The following NPR3 variants were observed in gnomAD, a reference collection of about 807,000 sequenced individuals.
NPR3 encodes natriuretic peptide receptor 3, also known as atrial natriuretic peptide receptor 3.
Under a neutral mutation model 54.5 loss-of-function variants are expected in NPR3, and 34 were observed. The observed-to-expected ratio is 0.62, with a 90% CI of 0.47 to 0.83. The LOEUF is 0.83. Among genes scored for constraint, NPR3 ranks in the 40% least tolerant of loss-of-function variants. The pLI is 0.00. For missense variants in NPR3, 674 were observed against 720.8 expected, an observed-to-expected ratio of 0.94 and a Z score of 0.74; for synonymous variants, 289 against 297.1, an observed-to-expected ratio of 0.97 and a Z score of 0.28.
At chr5:32,785,889 G>A (rs545398363) in intron 7 of NPR3, among the ~76,000 whole-genome samples, 2 of 152,222 alleles carry the variant, frequency 1.3e-5, no homozygotes, top group African/African-American at 4.8e-5. Context: ...TTGTATTCCT[G>A]TTCCTTTGGC....
At chr5:32,753,140 A>C (rs771499635) in intron 3 of NPR3, among the ~76,000 whole-genome samples, 1 of 152,216 alleles carries the variant, frequency 6.6e-6, no homozygotes, top group Non-Finnish European at 1.5e-5. Flanking sequence ...TTTCCAAGCA[A>C]TGAGCTTCAT....
chr5:32,773,885 T>C (rs1381642845), intron 3 of NPR3, among the ~76,000 whole-genome samples: 1 of 152,240 alleles, frequency 6.6e-6, no homozygotes, highest in Non-Finnish European at 1.5e-5. Flanking sequence ...ACTAGTCTCA[T>C]GGTCAATATA....
rs887748693 is a variant in NPR3 at position 32,712,017 on chromosome 5, C to A, written c.241C>A (p.Arg81Ser). ...GCGGCCGGCCATCGAGTATGCTCTGCGCAGCGTGGAGGGCAACGGGACTGG... is the reference window on the plus strand; with the variant it reads ...GCGGCCGGCCATCGAGTATGCTCTGAGCAGCGTGGAGGGCAACGGGACTGG... ...RVRPAIEYALRSVEGNGTGRR... is the reference protein window; with the variant it reads ...RVRPAIEYALSSVEGNGTGRR... The change falls in exon 1 of 8, where the codon CGC becomes AGC. Residue 81 changes from arginine (R) to serine (S), a missense_variant. Arg to Ser is a moderately radical substitution (Grantham distance 110). Coordinates refer to ENST00000265074, the MANE Select transcript of NPR3 (RefSeq NM_001204375.2). 6 of 1,613,614 alleles carry A rather than the reference C, an allele frequency of 3.7e-6. No homozygotes were observed. The highest frequency in any genetic ancestry group is 1.3e-5 in the African/African-American group (1 of 75,044).
At chr5:32,703,701 C>G (rs746617403) in intron 1 of NPR3, among the ~76,000 whole-genome samples, 1 of 151,786 alleles carries the variant, frequency 6.6e-6, no homozygotes, top group Non-Finnish European at 1.5e-5. Flanking sequence ...GGTGGCCTAT[C>G]CTACTGTGGC....
chr5:32,774,862 A>G lies in NPR3; in HGVS notation c.1195+19A>G. 3 of 1,596,752 alleles carry G rather than the reference A, an allele frequency of 1.9e-6. No individual in the cohort carries two copies. Among genetic ancestry groups the G allele is most frequent in the Non-Finnish European group, 2.6e-6 (3 of 1,164,400 alleles). On this transcript the variant is annotated intron_variant, in intron 4 of 7. Coordinates refer to ENST00000265074, the MANE Select transcript of NPR3 (RefSeq NM_001204375.2). The stretch of plus-strand genomic sequence containing the variant: ...TTTGAAGGTGGGGATTCCATCTATA[A>G]GGCAATTACATGGGGCCAAATGAGC...
At chr5:32,737,014 G>C (rs947278596) in intron 2 of NPR3, among the ~76,000 whole-genome samples, 1 of 151,906 alleles carries the variant, frequency 6.6e-6, no homozygotes, top group Non-Finnish European at 1.5e-5. Context: ...GCCTTTTCTC[G>C]GGCTCTAGAC....
rs369731308 is a variant in NPR3 at position 32,728,815 on chromosome 5, T to TTG, written c.892+4017_892+4018dup. Among the ~76,000 whole-genome samples, 122 of 77,070 alleles carry TTG rather than the reference T, an allele frequency of 1.6e-3. 1 individual carries two copies. The highest frequency in any genetic ancestry group is 2.4e-3 in the South Asian group (4 of 1,658). The allele number at this position is 77,070 out of a possible 152,430, so 50.6% of individuals were successfully genotyped here. ...AGCTTTTATTTGGATTTTGGAATAT[T>TTG]TGTGTGTGTGTGTGTGTGTGTGTAT... On this transcript the variant is annotated intron_variant, in intron 2 of 7. Coordinates refer to ENST00000265074, the MANE Select transcript of NPR3 (RefSeq NM_001204375.2).
chr5:32,742,634 TCTTA>T (rs1199207097), intron 3 of NPR3, among the ~76,000 whole-genome samples: 1 of 152,188 alleles, frequency 6.6e-6, no homozygotes, highest in African/African-American at 2.4e-5. Context: ...ATAGTGGGCA[TCTTA>T]ACTTTAATGT....
At position 32,789,288 on chromosome 5, in the gene NPR3, AG is replaced by A. The variant is rs1215176704; in HGVS notation, c.*2949del. 3.7e-6 allele frequency: 1 copy of A among 267,300 alleles called. No individual in the cohort carries two copies. The highest frequency in any genetic ancestry group is 7.7e-6 in the Non-Finnish European group (1 of 130,648). The allele number at this position is 267,300 out of a possible 1,614,324, so 16.6% of individuals were successfully genotyped here. A position where few individuals can be genotyped will look rare whatever the true frequency, so the allele number is the denominator to read the frequency against. On this transcript the variant is annotated 3_prime_UTR_variant, in exon 8 of 8. Coordinates refer to ENST00000265074, the MANE Select transcript of NPR3 (RefSeq NM_001204375.2). ...TCATTGTCTTCTTAGATTTTTGGGT[AG>A]GGGGGCCAGGTAGGGGGAGACTCAG...
intron 2 of NPR3, among the ~76,000 whole-genome samples, chr5:32,729,074 G>T (rs1739321859): frequency 7.4e-6 from 1 of 135,176 alleles, no homozygotes; most frequent in Non-Finnish European, 1.6e-5. Flanking sequence ...CTGTCGCCCA[G>T]GCTGGAGTGC....
rs754967664 is a variant in NPR3 at position 32,787,184 on chromosome 5, T to C, written c.*839T>C. The C allele has an allele frequency of 6.6e-5, 10 of 152,644 alleles. No individual in the cohort carries two copies. Among genetic ancestry groups the C allele is most frequent in the Admixed American group, 2.0e-4 (3 of 15,282 alleles). The allele number at this position is 152,644 out of a possible 1,614,324, so 9.5% of individuals were successfully genotyped here. On this transcript the variant is annotated 3_prime_UTR_variant, in exon 8 of 8. Coordinates refer to ENST00000265074, the MANE Select transcript of NPR3 (RefSeq NM_001204375.2). The stretch of plus-strand genomic sequence containing the variant: ...GAAGTGTACAACAAACCAATAATGA[T>C]AAAAAATACTTCTCTTTTTCTCCCT...
chr5:32,711,887 C>T lies in NPR3; in HGVS notation c.111C>T (p.Gly37=). The T allele has an allele frequency of 1.4e-6, 2 of 1,475,058 alleles. No individual in the cohort carries two copies. Among genetic ancestry groups the T allele is most frequent in the Non-Finnish European group, 1.8e-6 (2 of 1,114,734 alleles). The allele number at this position is 1,475,058 out of a possible 1,614,324, so 91.4% of individuals were successfully genotyped here. A position where few individuals can be genotyped will look rare whatever the true frequency, so the allele number is the denominator to read the frequency against. ...GGVGGGGGGA[G]IGGGRQEREA... ...TTGGCGGCGGCGGCGGTGGCGCGGG[C>T]ATAGGCGGCGGACGCCAGGAGAGAG... Residue 37 remains glycine (G), a synonymous_variant, in exon 1 of 8, where the codon GGC becomes GGT. Coordinates refer to ENST00000265074, the MANE Select transcript of NPR3 (RefSeq NM_001204375.2).
rs755943611 is a variant in NPR3, at chr5:32,712,373, C to G, written c.597C>G (p.Arg199=). The change falls in exon 1 of 8, where the codon CGC becomes CGG. Residue 199 remains arginine (R), a synonymous_variant. Coordinates refer to ENST00000265074, the MANE Select transcript of NPR3 (RefSeq NM_001204375.2). ...LALFRHHHWS[R]AALVYSDDKL... ...TGTTCCGCCACCACCACTGGAGCCG[C>G]GCTGCACTGGTCTACAGCGACGACA... 6.2e-7 allele frequency: 1 copy of G among 1,613,066 alleles called. No homozygotes were observed. Among genetic ancestry groups the G allele is most frequent in the Admixed American group, 1.7e-5 (1 of 59,960 alleles).
rs1742266808 is a variant in NPR3 at position 32,780,213 on chromosome 5, A to G, written c.1196-509A>G. On this transcript the variant is annotated intron_variant, in intron 4 of 7. Transcript: ENST00000265074. ...TAAAGAAGAATAGTTCTTCTTAGCT[A>G]TTGGCTCCAGTGACCCACAAAGCAG... Among the ~76,000 whole-genome samples, 4 of 152,214 alleles carry G rather than the reference A, an allele frequency of 2.6e-5. 1 individual carries two copies. In the South Asian group the frequency reaches 8.3e-4, roughly 32 times the overall value.
upstream of NPR3, chr5:32,710,411 C>T: frequency 3.5e-6 from 1 of 288,432 alleles, no homozygotes; most frequent in East Asian, 6.5e-5. Flanking sequence ...GCCCCGAGGA[C>T]GCTTTGGGGA....
At chr5:32,725,020 G>A (rs1739065656) in intron 2 of NPR3, among the ~76,000 whole-genome samples, 200 bp downstream of exon 2, 1 of 151,946 alleles carries the variant, frequency 6.6e-6, no homozygotes, top group Non-Finnish European at 1.5e-5. Context: ...ATTAATGCAG[G>A]AACAGAAAAT....
In NPR3 at chr5:32,712,002, A is replaced by G. The variant is rs1279269243; in HGVS notation, c.226A>G (p.Ile76Val). ...LFSLTRVRPA[I>V]EYALRSVEGN... ...TTCACTCACCCGGGTGCGGCCGGCC[A>G]TCGAGTATGCTCTGCGCAGCGTGGA... Residue 76 changes from isoleucine (I) to valine (V), a missense_variant, in exon 1 of 8, where the codon ATC (isoleucine) becomes GTC (valine). Ile to Val is a conservative substitution (Grantham distance 29). Transcript: ENST00000265074. The G allele has an allele frequency of 7.4e-6, 12 of 1,612,808 alleles. No individual in the cohort carries two copies. Among genetic ancestry groups the G allele is most frequent in the Non-Finnish European group, 9.3e-6 (11 of 1,179,400 alleles).
chr5:32,764,932 A>G (rs1741374623), intron 3 of NPR3, among the ~76,000 whole-genome samples: 1 of 152,196 alleles, frequency 6.6e-6, no homozygotes, highest in South Asian at 2.1e-4. Flanking sequence ...ATCACACCAA[A>G]AAGTTGCCAA....
At chr5:32,725,934 T>A (rs771916326) in intron 2 of NPR3, among the ~76,000 whole-genome samples, 2 of 152,174 alleles carry the variant, frequency 1.3e-5, no homozygotes, top group Non-Finnish European at 2.9e-5. Flanking sequence ...TAATTCCCTA[T>A]AATGAATCTG....
Sources: gnomAD v4.1 joint callset for allele counts (sites outside exome capture counted in the v4.1 genomes callset) on GRCh38, gnomAD v4.1.1 for gene constraint, MANE v1.5 for transcripts, NCBI Gene and HGNC (gene_info 2026-07-23, HGNC 2026-07-21) for gene names.